Variants in OSBPL10 observed in about 807,000 individuals in gnomAD.
The protein encoded by OSBPL10 is oxysterol-binding protein-related protein 10.
In OSBPL10, 49 loss-of-function variants were observed where a neutral mutation model predicts 81.7. The observed-to-expected ratio is 0.60, with a 90% CI of 0.48 to 0.76. The LOEUF is 0.76. Ranked by LOEUF, OSBPL10 falls within the 30% of genes least tolerant of loss-of-function variation. OSBPL10 has a pLI of 0.00. For synonymous variants in OSBPL10, 419 were observed against 383.6 expected, an observed-to-expected ratio of 1.09 and a Z score of -1.08; for missense variants, 923 against 987.8, an observed-to-expected ratio of 0.93 and a Z score of 0.88.
In OSBPL10 at chr3:31,876,447, C is replaced by T; in HGVS notation, c.523G>A (p.Glu175Lys). 1.9e-6 allele frequency: 3 copies of T among 1,612,444 alleles called. No homozygotes were observed. Among genetic ancestry groups the T allele is most frequent in the Non-Finnish European group, 2.5e-6 (3 of 1,178,428 alleles). The change falls in exon 3 of 12, where the codon GAA becomes AAA. Residue 175 changes from glutamate (E) to lysine (K), a missense_variant. Around this residue, in one of 3 missense-constraint regions of OSBPL10, gnomAD observed 514 missense variants for 508.0 expected, o/e 1.01. Coordinates refer to ENST00000396556, the MANE Select transcript of OSBPL10 (RefSeq NM_017784.5). ...QLRACAKYHM[E>K]MNSKSAPSSR... ...CGGTGACTTACCTTAGAATTCATTT[C>T]CATGTGGTATTTGGCACAAGCTCGA...
At chr3:31,948,220 G>C (rs1697759318) in intron 1 of OSBPL10, among the ~76,000 whole-genome samples, 1 of 152,208 alleles carries the variant, frequency 6.6e-6, no homozygotes, top group South Asian at 2.1e-4. Flanking sequence ...ACAATGGACA[G>C]AGTCCATTCT....
chr3:31,773,393 A>G (rs556422433), intron 4 of OSBPL10, among the ~76,000 whole-genome samples: 39 of 152,322 alleles, frequency 2.6e-4, no homozygotes, highest in African/African-American at 8.7e-4. Flanking sequence ...ATGCCCAAAC[A>G]TGCAAAAACT....
intron 1 of OSBPL10, among the ~76,000 whole-genome samples, chr3:31,939,143 CCTT>C (rs1697465820): frequency 2.0e-4 from 10 of 49,690 alleles, no homozygotes; most frequent in Admixed American, 2.6e-4. Flanking sequence ...ACTCTCTCAT[CCTT>C]TTTTTTTTTT....
intron 1 of OSBPL10, among the ~76,000 whole-genome samples, chr3:31,980,314 TA>T (rs973574110): frequency 3.9e-5 from 6 of 152,302 alleles, no homozygotes; most frequent in African/African-American, 1.4e-4. Flanking sequence ...TTTCTGTTTT[TA>T]AACAAAACTT....
At chr3:31,881,680 T>C (rs1248358395) in intron 1 of OSBPL10, among the ~76,000 whole-genome samples, 1 of 152,320 alleles carries the variant, frequency 6.6e-6, no homozygotes, top group African/African-American at 2.4e-5. Flanking sequence ...TATTTTTCTT[T>C]CAATTGATAT....
chr3:32,029,456 C>T (rs1351786723), intron 2 of OSBPL10, among the ~76,000 whole-genome samples: 1 of 152,140 alleles, frequency 6.6e-6, no homozygotes, highest in East Asian at 1.9e-4. Flanking sequence ...CCAGTCTCTC[C>T]TTCTGCATTA....
chr3:31,778,087 G>A (rs1363801405), intron 4 of OSBPL10, among the ~76,000 whole-genome samples: 2 of 152,210 alleles, frequency 1.3e-5, no homozygotes, highest in Non-Finnish European at 2.9e-5. Flanking sequence ...GGGCAGATGG[G>A]GAAGGGTGGG....
chr3:32,059,148 T>C (rs1479726025), intron 1 of OSBPL10, among the ~76,000 whole-genome samples: 3 of 150,672 alleles, frequency 2.0e-5, no homozygotes, highest in Admixed American at 6.6e-5. Flanking sequence ...ATACAAAAAT[T>C]AGTGGGGCAT....
intron 1 of OSBPL10, chr3:32,066,679 A>C (rs1559557591): frequency 6.6e-6 from 1 of 152,210 alleles, no homozygotes; most frequent in Non-Finnish European, 1.5e-5. Context: ...ACAGTTTGCA[A>C]CCTAAGATTC....
intron 4 of OSBPL10, among the ~76,000 whole-genome samples, chr3:31,807,575 A>C (rs1699553870): frequency 6.7e-6 from 1 of 150,100 alleles, no homozygotes; most frequent in South Asian, 2.1e-4. Context: ...ATCTCTACAA[A>C]AAAAAAAAAA....
At chr3:31,899,302 T>C (rs796341174) in intron 1 of OSBPL10, among the ~76,000 whole-genome samples, 5 of 151,518 alleles carry the variant, frequency 3.3e-5, no homozygotes, top group African/African-American at 1.2e-4. Flanking sequence ...CAATAGAAAA[T>C]ATAGTGCATA....
intron 3 of OSBPL10, among the ~76,000 whole-genome samples, chr3:31,871,114 C>A (rs1002164730): frequency 6.6e-6 from 1 of 151,574 alleles, no homozygotes; most frequent in African/African-American, 2.4e-5. Context: ...CAGTGGCAAC[C>A]CGTTCCCGTC....
intron 1 of OSBPL10, among the ~76,000 whole-genome samples, chr3:31,935,208 CTG>C (rs1697351869): frequency 1.3e-5 from 2 of 152,122 alleles, no homozygotes; most frequent in African/African-American, 2.4e-5. Flanking sequence ...ACAGGGGAGT[CTG>C]GGGAGATGAG....
chr3:31,915,261 C>G (rs1696721756), intron 1 of OSBPL10, among the ~76,000 whole-genome samples: 1 of 151,912 alleles, frequency 6.6e-6, no homozygotes, highest in African/African-American at 2.4e-5. Context: ...TGGAGTTGTT[C>G]CCTTCCACTT....
intron 2 of OSBPL10, among the ~76,000 whole-genome samples, chr3:32,039,915 G>T (rs1341530389): frequency 3.9e-5 from 6 of 152,080 alleles, no homozygotes; most frequent in Admixed American, 6.6e-5. Flanking sequence ...GGATAGGTGT[G>T]AAAATCCTAA....
chr3:31,781,333 C>T (rs1008723030), intron 4 of OSBPL10, among the ~76,000 whole-genome samples: 1 of 152,070 alleles, frequency 6.6e-6, no homozygotes, highest in Non-Finnish European at 1.5e-5. Context: ...AAGCCATCTA[C>T]AACAAACCCA....
At chr3:31,949,195 A>G (rs1697790584) in intron 1 of OSBPL10, among the ~76,000 whole-genome samples, 1 of 152,236 alleles carries the variant, frequency 6.6e-6, no homozygotes, top group Admixed American at 6.5e-5. Context: ...TAAAACGCAC[A>G]CACATATTAT....
chr3:31,857,812 G>GAGAC (rs1559494220), intron 3 of OSBPL10, among the ~76,000 whole-genome samples: 3 of 47,826 alleles, frequency 6.3e-5, no homozygotes, highest in African/African-American at 2.2e-4. Context: ...GGGAGAGAGA[G>GAGAC]AGAAAGGGAG....
chr3:32,031,401 C>T (rs1375424943), intron 2 of OSBPL10, among the ~76,000 whole-genome samples: 1 of 151,808 alleles, frequency 6.6e-6, no homozygotes, highest in African/African-American at 2.4e-5. Context: ...CAGCAGCCTA[C>T]TTCTTGCAAC....
Sources: allele counts gnomAD v4.1 joint callset (sites outside exome capture counted in the v4.1 genomes callset), GRCh38; gene constraint gnomAD v4.1.1; regional missense constraint gnomAD v4.1.1; transcripts MANE v1.5; gene names NCBI Gene and HGNC (gene_info 2026-07-23, HGNC 2026-07-21).